Variants in HS6ST2 observed in about 807,000 individuals in gnomAD.
HS6ST2 encodes heparan sulfate 6-O-sulfotransferase 2.
Under a neutral mutation model 33.0 loss-of-function variants are expected in HS6ST2, and 17 were observed. The ratio of observed to expected loss-of-function variants is 0.52; its 90% CI spans 0.35 to 0.77. The LOEUF (loss-of-function observed/expected upper bound fraction) is 0.77, where lower values mean the gene tolerates loss of function less well. HS6ST2 is among the 30% of genes least tolerant of loss of function. The pLI is 0.01. For missense variants in HS6ST2, 519 were observed against 551.7 expected (o/e 0.94, Z 0.59); for synonymous variants, 248 against 237.1 (o/e 1.05, Z -0.42).
chrX:132,867,867 C>T (rs904076891), intron 2 of HS6ST2, among the ~76,000 whole-genome samples: 6 of 111,597 alleles, frequency 5.4e-5, no homozygotes, highest in Non-Finnish European at 1.1e-4. Context: ...TATGAAGAAA[C>T]TGCATCAACT....
chrX:132,786,844 A>G (rs1340822765), intron 2 of HS6ST2, among the ~76,000 whole-genome samples: 2 of 106,194 alleles, frequency 1.9e-5, no homozygotes, highest in African/African-American at 6.9e-5. Context: ...CTGGTCTCGA[A>G]CTCCTGACCT....
intron 2 of HS6ST2, among the ~76,000 whole-genome samples, chrX:132,790,787 A>G (rs1001345915): frequency 2.7e-5 from 3 of 112,263 alleles, no homozygotes; most frequent in African/African-American, 9.7e-5. Context: ...AGAGTGACTG[A>G]CAATGGTTAA....
rs1018871970 is a variant in HS6ST2 at position 132,774,420 on chromosome X, A to G, written c.948-65926T>C. 7.1e-5 allele frequency among the ~76,000 whole-genome samples: 8 copies of G among 112,154 alleles called. No individual in the cohort carries two copies. The Admixed American group carries it at 7.6e-4, about 11-fold the overall frequency. On this transcript the variant is annotated intron_variant, in intron 2 of 4. Coordinates refer to ENST00000370833, the MANE Select transcript of HS6ST2 (RefSeq NM_001394073.1). Reference sequence around the variant, plus strand: ...TCTTGCTTCTTGAAAAATTGCTCCTACAGACCGTGTCTCAAAACTGCTATG... The same window carrying G: ...TCTTGCTTCTTGAAAAATTGCTCCTGCAGACCGTGTCTCAAAACTGCTATG...
chrX:132,655,448 T>G (rs1254337567), intron 4 of HS6ST2, among the ~76,000 whole-genome samples: 1 of 111,973 alleles, frequency 8.9e-6, no homozygotes, highest in African/African-American at 3.2e-5. Flanking sequence ...GAGAGGAAGG[T>G]CCAGTTATTC....
At chrX:132,849,405 A>T (rs2065781593) in intron 2 of HS6ST2, among the ~76,000 whole-genome samples, 2 of 112,080 alleles carry the variant, frequency 1.8e-5, no homozygotes, top group Non-Finnish European at 3.8e-5. Context: ...TACCTTTTCA[A>T]ATAAAAATCA....
At chrX:132,800,762 T>A (rs1338392843) in intron 2 of HS6ST2, among the ~76,000 whole-genome samples, 1 of 111,668 alleles carries the variant, frequency 9.0e-6, no homozygotes, top group Non-Finnish European at 1.9e-5. Context: ...CCCACCCAAA[T>A]CTCATCTCAA....
intron 2 of HS6ST2, among the ~76,000 whole-genome samples, chrX:132,891,547 C>G (rs1397879127): frequency 9.1e-6 from 1 of 109,365 alleles, no homozygotes; most frequent in East Asian, 2.9e-4. Context: ...CCCCCCACCC[C>G]ACAACAGGCC....
At chrX:132,800,747 G>T (rs753137002) in intron 2 of HS6ST2, among the ~76,000 whole-genome samples, 11 of 111,660 alleles carry the variant, frequency 9.9e-5, no homozygotes, top group Non-Finnish European at 1.3e-4. Flanking sequence ...GTTTGGTTTT[G>T]TGCCCCCACC....
intron 2 of HS6ST2, among the ~76,000 whole-genome samples, chrX:132,895,096 G>A (rs1485054976): frequency 9.0e-6 from 1 of 111,695 alleles, no homozygotes; most frequent in Non-Finnish European, 1.9e-5. Flanking sequence ...GATCTCTTGG[G>A]TTTCCCTATT....
At chrX:132,762,741 A>G (rs2064814008) in intron 2 of HS6ST2, among the ~76,000 whole-genome samples, 1 of 111,799 alleles carries the variant, frequency 8.9e-6, no homozygotes, top group Non-Finnish European at 1.9e-5. Flanking sequence ...TTAAAACAGC[A>G]TTTCCCCTTG....
rs148751513 is a variant in HS6ST2 at position 132,626,271 on chromosome X, G to T, written c.*1952C>A. On this transcript the variant is annotated 3_prime_UTR_variant, in exon 5 of 5. Coordinates refer to ENST00000370833, the MANE Select transcript of HS6ST2 (RefSeq NM_001394073.1). ...TTTTCTGTAACAAGCTTTTCCACTG[G>T]CTCAGGCTTCATCCTGCTTTCCAAC... is the stretch of plus-strand genomic sequence containing the variant. 0.016 allele frequency: 1,762 copies of T among 112,434 alleles called. 17 individuals are homozygous for T. The highest frequency in any genetic ancestry group is 0.041 in the Middle Eastern group (9 of 218). The allele number at this position is 112,434 out of a possible 1,213,427, so 9.3% of individuals were successfully genotyped here.
At position 132,773,033 on chromosome X, in the gene HS6ST2, A is replaced by G. The variant is rs754118414; in HGVS notation, c.948-64539T>C. Reference sequence around the variant, plus strand: ...AAGATATAAAAATAATAGATTATATATATGTTTATATATTATAATGTATTA... The same window carrying G: ...AAGATATAAAAATAATAGATTATATGTATGTTTATATATTATAATGTATTA... On this transcript the variant is annotated intron_variant, in intron 2 of 4. Coordinates refer to ENST00000370833, the MANE Select transcript of HS6ST2 (RefSeq NM_001394073.1). 2.5e-4 allele frequency among the ~76,000 whole-genome samples: 23 copies of G among 91,853 alleles called. No individual in the cohort carries two copies. In the East Asian group the frequency reaches 6.7e-3, roughly 27 times the overall value. 79.8% of individuals were successfully genotyped at this position (91,853 alleles called of 115,157 possible). A position where few individuals can be genotyped will look rare whatever the true frequency, so the allele number is the denominator to read the frequency against.
chrX:132,949,970 A>C (rs780677052), intron 2 of HS6ST2, among the ~76,000 whole-genome samples: 1 of 111,342 alleles, frequency 9.0e-6, no homozygotes, highest in Non-Finnish European at 1.9e-5. Context: ...TCCATGCTCT[A>C]TCAAAGGACA....
chrX:132,916,168 G>A (rs995494081), intron 2 of HS6ST2, among the ~76,000 whole-genome samples: 1 of 111,674 alleles, frequency 9.0e-6, no homozygotes, highest in African/African-American at 3.3e-5. Context: ...AACTGGAGTG[G>A]CAGTCAAGAA....
chrX:132,916,541 G>A (rs1447577211), intron 2 of HS6ST2, among the ~76,000 whole-genome samples: 1 of 112,003 alleles, frequency 8.9e-6, no homozygotes, highest in Admixed American at 9.5e-5. Context: ...AGAGTGTTAT[G>A]GGTAGACCCA....
At chrX:132,890,759 T>C (rs1349034578) in intron 2 of HS6ST2, among the ~76,000 whole-genome samples, 1 of 111,039 alleles carries the variant, frequency 9.0e-6, no homozygotes, top group Non-Finnish European at 1.9e-5. Flanking sequence ...ACAGCCCTAA[T>C]GACAATCACA....
At chrX:132,651,453 T>C (rs1362469605) in intron 4 of HS6ST2, among the ~76,000 whole-genome samples, 1 of 112,139 alleles carries the variant, frequency 8.9e-6, no homozygotes, top group East Asian at 2.8e-4. Flanking sequence ...TCTATTTATA[T>C]GGTACACATG....
At chrX:132,776,152 T>C (rs1490519028) in intron 2 of HS6ST2, among the ~76,000 whole-genome samples, 11 of 111,937 alleles carry the variant, frequency 9.8e-5, no homozygotes, top group African/African-American at 3.2e-4. Context: ...TGCCATATTA[T>C]TGGAGGAGAG....
At chrX:132,769,927 G>A (rs2064881441) in intron 2 of HS6ST2, among the ~76,000 whole-genome samples, 1 of 112,049 alleles carries the variant, frequency 8.9e-6, no homozygotes, top group Admixed American at 9.4e-5. Context: ...ACTCATTTAT[G>A]TTTGGTACAA....
Sources: gnomAD v4.1 joint callset for allele counts (sites outside exome capture counted in the v4.1 genomes callset) on GRCh38, gnomAD v4.1.1 for gene constraint, MANE v1.5 for transcripts, NCBI Gene and HGNC (gene_info 2026-07-23, HGNC 2026-07-21) for gene names.